Variants in HMGCLL1 observed in about 807,000 individuals in gnomAD.
HMGCLL1 encodes the protein 3-hydroxy-3-methylglutaryl-CoA lyase like 1.
Under a neutral mutation model 39.1 loss-of-function variants are expected in HMGCLL1, and 36 were observed. That is an observed-to-expected ratio of 0.92 (90% CI 0.71 to 1.22). The LOEUF (loss-of-function observed/expected upper bound fraction) is 1.22. Ranked by LOEUF, HMGCLL1 falls within the 50% of genes most tolerant of loss-of-function variation. The pLI, the probability that HMGCLL1 is intolerant of heterozygous loss-of-function variation, is 0.00. For missense variants in HMGCLL1, 451 were observed against 416.5 expected, an observed-to-expected ratio of 1.08 and a Z score of -0.72; for synonymous variants, 149 against 144.0, an observed-to-expected ratio of 1.03 and a Z score of -0.25.
rs1554157191 is a variant in HMGCLL1, at chr6:55,545,226, A to AAAAG, written c.109-3087_109-3086insCTTT. Among the ~76,000 whole-genome samples, 271 of 143,144 alleles carry AAAAG rather than the reference A, an allele frequency of 1.9e-3. 1 individual carries two copies. The highest frequency in any genetic ancestry group is 7.0e-3 in the East Asian group (34 of 4,864). 93.9% of individuals were successfully genotyped at this position (143,144 alleles called of 152,430 possible). On this transcript the variant is annotated intron_variant, in intron 1 of 8. Transcript: ENST00000274901. ...ACAATGTTTGCCAAAAAAAAAAAAA[A>AAAAG]AAGAAGAAAAAGAAAGGTACGTAGT...
chr6:55,540,156 G>A (rs982248278), intron 3 of HMGCLL1, among the ~76,000 whole-genome samples: 6 of 151,962 alleles, frequency 3.9e-5, no homozygotes, highest in Non-Finnish European at 5.9e-5. Context: ...GAGAAACAGT[G>A]CTTATAAATA....
chr6:55,471,196 C>T (rs1765030815), intron 7 of HMGCLL1, among the ~76,000 whole-genome samples: 1 of 151,678 alleles, frequency 6.6e-6, no homozygotes, highest in Non-Finnish European at 1.5e-5. Context: ...TCTTCGATAA[C>T]TTGCTTTATC....
chr6:55,570,834 T>A (rs1771442532), intron 1 of HMGCLL1, among the ~76,000 whole-genome samples: 1 of 152,180 alleles, frequency 6.6e-6, no homozygotes, highest in African/African-American at 2.4e-5. Context: ...ACTAGCTAAA[T>A]TATAAATAAA....
the HMGCLL1 span, among the ~76,000 whole-genome samples, chr6:55,640,251 C>T: frequency 5.9e-5 from 9 of 152,166 alleles, no homozygotes; most frequent in Non-Finnish European, 1.3e-4. Context: ...AATTTAACTT[C>T]TCAATACATA....
At chr6:55,562,922 C>T (rs1771020194) in intron 1 of HMGCLL1, among the ~76,000 whole-genome samples, 1 of 151,512 alleles carries the variant, frequency 6.6e-6, no homozygotes, top group Non-Finnish European at 1.5e-5. Context: ...AGAGCTCTAA[C>T]TCCAAGAAAA....
chr6:55,653,645 A>G, the HMGCLL1 span, among the ~76,000 whole-genome samples: 1 of 151,986 alleles, frequency 6.6e-6, no homozygotes, highest in Non-Finnish European at 1.5e-5. Context: ...ATCCCTAAGA[A>G]GGTACCTTGC....
the HMGCLL1 span, among the ~76,000 whole-genome samples, chr6:55,588,718 A>G: frequency 3.9e-5 from 6 of 152,006 alleles, no homozygotes; most frequent in African/African-American, 1.2e-4. Context: ...AAATGATAAA[A>G]GGGATATCAC....
At chr6:55,655,548 A>ATAGATAG in the HMGCLL1 span, among the ~76,000 whole-genome samples, 1 of 151,434 alleles carries the variant, frequency 6.6e-6, no homozygotes, top group Non-Finnish European at 1.5e-5. Flanking sequence ...AGATAGATAG[A>ATAGATAG]TAGATAGATA....
chr6:55,547,440 C>A (rs1359797367), intron 1 of HMGCLL1, among the ~76,000 whole-genome samples: 5 of 151,976 alleles, frequency 3.3e-5, no homozygotes, highest in African/African-American at 9.7e-5. Context: ...AGTCACCCTA[C>A]AAGTACTGCT....
chr6:55,493,057 T>A (rs1168150487), intron 7 of HMGCLL1, among the ~76,000 whole-genome samples: 2 of 149,794 alleles, frequency 1.3e-5, no homozygotes, highest in East Asian at 3.9e-4. Context: ...ATATTATATA[T>A]TAACATATAA....
At chr6:55,517,407 T>TA (rs1212025175) in intron 3 of HMGCLL1, among the ~76,000 whole-genome samples, 1 of 151,934 alleles carries the variant, frequency 6.6e-6, no homozygotes, top group Non-Finnish European at 1.5e-5. Flanking sequence ...TTAAAAATAA[T>TA]AAATTGTGGC....
chr6:55,563,926 A>C (rs4398738), intron 1 of HMGCLL1: 121,318 of 1,258,712 alleles, frequency 0.096, 6,341 homozygotes, highest in East Asian at 0.2. Flanking sequence ...TTTGGAGAGG[A>C]GGAATGAGGA....
At chr6:55,452,674 AG>A (rs1258921660) in intron 7 of HMGCLL1, among the ~76,000 whole-genome samples, 1 of 152,226 alleles carries the variant, frequency 6.6e-6, no homozygotes. Context: ...AGGTAAAAAA[AG>A]ACTTCTTTCT....
chr6:55,508,149 A>T (rs1203886803), intron 5 of HMGCLL1, among the ~76,000 whole-genome samples: 2 of 151,740 alleles, frequency 1.3e-5, no homozygotes, highest in South Asian at 2.1e-4. Context: ...GTTAACAAGG[A>T]TAACCATGTT....
the HMGCLL1 span, among the ~76,000 whole-genome samples, chr6:55,674,568 C>T: frequency 6.6e-6 from 1 of 151,972 alleles, no homozygotes; most frequent in East Asian, 1.9e-4. Flanking sequence ...ATCATAACTA[C>T]CTACAAGGTT....
chr6:55,602,194 G>T, the HMGCLL1 span, among the ~76,000 whole-genome samples: 1 of 152,032 alleles, frequency 6.6e-6, no homozygotes, highest in Non-Finnish European at 1.5e-5. Context: ...GGGAGTAGAG[G>T]TGGCATTCTA....
At chr6:55,554,218 G>A (rs143753763) in intron 1 of HMGCLL1, among the ~76,000 whole-genome samples, 74 of 152,180 alleles carry the variant, frequency 4.9e-4, no homozygotes, top group African/African-American at 1.5e-3. Flanking sequence ...AATTCTGATT[G>A]GCATCATATG....
the HMGCLL1 span, among the ~76,000 whole-genome samples, chr6:55,634,167 T>A: frequency 2.0e-5 from 3 of 152,046 alleles, no homozygotes; most frequent in Non-Finnish European, 4.4e-5. Flanking sequence ...TGTTCTTGAT[T>A]CAAAGTGTCA....
intron 7 of HMGCLL1, among the ~76,000 whole-genome samples, chr6:55,454,099 T>C (rs1356370583): frequency 6.6e-6 from 1 of 152,232 alleles, no homozygotes; most frequent in Non-Finnish European, 1.5e-5. Context: ...CCATTTGCAG[T>C]TGGAGTGATT....
Sources: allele counts gnomAD v4.1 joint callset (sites outside exome capture counted in the v4.1 genomes callset), GRCh38; gene constraint gnomAD v4.1.1; transcripts MANE v1.5; gene names NCBI Gene and HGNC (gene_info 2026-07-23, HGNC 2026-07-21).